The following MAST3 variants were observed in gnomAD, a reference collection of about 807,000 sequenced individuals.
MAST3 encodes the protein microtubule-associated serine/threonine-protein kinase 3.
Under a neutral mutation model 127.0 loss-of-function variants are expected in MAST3, and 43 were observed. That is an observed-to-expected ratio of 0.34 (90% CI 0.27 to 0.44). The LOEUF is 0.44. Among genes scored for constraint, MAST3 ranks in the 20% least tolerant of loss-of-function variants. MAST3 has a pLI of 1.00. For synonymous variants in MAST3, 785 were observed against 809.2 expected, an observed-to-expected ratio of 0.97 and a Z score of 0.51; for missense variants, 1,390 against 1,919.1, an observed-to-expected ratio of 0.72 and a Z score of 5.15.
chr19:18,128,985 C>A, intron 13 of MAST3, 34 bp downstream of exon 13: 1 of 1,580,248 alleles, frequency 6.3e-7, no homozygotes, highest in Non-Finnish European at 8.7e-7. Flanking sequence ...ACCCATTTCA[C>A]AGATGCCTGA....
chr19:18,109,966 C>G (rs906821578), intron 2 of MAST3: 2 of 985,226 alleles, frequency 2.0e-6, no homozygotes. Context: ...GCGCGGACCG[C>G]GGAGCCAGTG....
intron 1 of MAST3, among the ~76,000 whole-genome samples, chr19:18,099,529 T>G (rs2037373134): frequency 6.6e-6 from 1 of 152,100 alleles, no homozygotes; most frequent in African/African-American, 2.4e-5. Context: ...TTCCTGATGG[T>G]AAGTTCTATG....
intron 11 of MAST3, among the ~76,000 whole-genome samples, chr19:18,127,672 A>G (rs1437781287): frequency 6.6e-6 from 1 of 152,098 alleles, no homozygotes; most frequent in Non-Finnish European, 1.5e-5. Flanking sequence ...CGACAGAGTG[A>G]GACTGCGTCT....
At chr19:18,121,625 C>A in intron 3 of MAST3, 60 bp from the exon 4 acceptor site, 3 of 1,392,598 alleles carry the variant, frequency 2.2e-6, no homozygotes, top group South Asian at 1.2e-5. Context: ...TTAGGCTGGG[C>A]AGGTGGCTTA....
rs2043464470 is a variant in MAST3 at position 18,150,597 on chromosome 19, A to T, written c.*871A>T. The T allele has an allele frequency of 6.6e-6, 1 of 152,252 alleles. No homozygotes were observed. Among genetic ancestry groups the T allele is most frequent in the Non-Finnish European group, 1.5e-5 (1 of 68,056 alleles). The allele number at this position is 152,252 out of a possible 1,614,324, so 9.4% of individuals were successfully genotyped here. A position where few individuals can be genotyped will look rare whatever the true frequency, so the allele number is the denominator to read the frequency against. ...TGTCCGTAAACAATTCCTCTCACCCACAAAACAATGTAATCCCAGCGATGG... is the reference window on the plus strand; with the variant it reads ...TGTCCGTAAACAATTCCTCTCACCCTCAAAACAATGTAATCCCAGCGATGG... On this transcript the variant is annotated 3_prime_UTR_variant, in exon 28 of 28. Coordinates refer to ENST00000687212, the MANE Select transcript of MAST3 (RefSeq NM_001393504.1).
rs1047180129 is a variant in MAST3 at position 18,141,879 on chromosome 19, C to T, written c.2206-3C>T. ...CTTACCATTCTTTTGTCTTGCCTCC[C>T]AGGTCTACAGCAGCTCTGAGTTCCT... On this transcript the variant is annotated splice_polypyrimidine_tract_variant and splice_region_variant and intron_variant, in intron 20 of 27. Coordinates refer to ENST00000687212, the MANE Select transcript of MAST3 (RefSeq NM_001393504.1). 11 of 1,429,168 alleles carry T rather than the reference C, an allele frequency of 7.7e-6. No individual in the cohort carries two copies. Among genetic ancestry groups the T allele is most frequent in the Non-Finnish European group, 1.0e-5 (11 of 1,077,200 alleles). 88.5% of individuals were successfully genotyped at this position (1,429,168 alleles called of 1,614,324 possible). A position where few individuals can be genotyped will look rare whatever the true frequency, so the allele number is the denominator to read the frequency against.
chr19:18,102,249 C>A (rs1167433198), intron 1 of MAST3, among the ~76,000 whole-genome samples: 1 of 151,080 alleles, frequency 6.6e-6, no homozygotes, highest in Non-Finnish European at 1.5e-5. Flanking sequence ...GGCACGATCT[C>A]GGCTCACCGC....
chr19:18,130,726 C>T, intron 14 of MAST3, 24 bp downstream of exon 14: 1 of 1,605,524 alleles, frequency 6.2e-7, no homozygotes, highest in African/African-American at 1.3e-5. Flanking sequence ...GGCTTGCATG[C>T]CTCCAGCGAT....
rs1421385180 is a variant in MAST3, at chr19:18,150,751, G to A, written c.*1025G>A. 1 of 152,374 alleles carries A rather than the reference G, an allele frequency of 6.6e-6. No individual in the cohort carries two copies. Among genetic ancestry groups the A allele is most frequent in the Non-Finnish European group, 1.5e-5 (1 of 68,164 alleles). 9.4% of individuals were successfully genotyped at this position (152,374 alleles called of 1,614,324 possible). A position where few individuals can be genotyped will look rare whatever the true frequency, so the allele number is the denominator to read the frequency against. Reference sequence around the variant, plus strand: ...GAAGGGATATGGGAGCTGGAGCTTTGATGGATGAATAGGTGTTCACCGGAT... The same window carrying A: ...GAAGGGATATGGGAGCTGGAGCTTTAATGGATGAATAGGTGTTCACCGGAT... On this transcript the variant is annotated 3_prime_UTR_variant, in exon 28 of 28. Coordinates refer to ENST00000687212, the MANE Select transcript of MAST3 (RefSeq NM_001393504.1).
intron 5 of MAST3, among the ~76,000 whole-genome samples, chr19:18,122,392 G>A (rs1246464568): frequency 1.3e-5 from 2 of 152,030 alleles, no homozygotes; most frequent in African/African-American, 4.8e-5. Context: ...TCCGTTTGGT[G>A]GGGGGTGGTC....
At chr19:18,129,093 T>C in intron 13 of MAST3, 142 bp downstream of exon 13, 1 of 715,660 alleles carries the variant, frequency 1.4e-6, no homozygotes, top group African/African-American at 1.8e-5. Flanking sequence ...ACCTGAGGAC[T>C]GGAGGGGGAA....
chr19:18,135,071 C>A, intron 17 of MAST3, 89 bp downstream of exon 17: 1 of 1,460,758 alleles, frequency 6.8e-7, no homozygotes, highest in Non-Finnish European at 9.3e-7. Context: ...GGGAGAGAAG[C>A]AGGAAGAGGG....
chr19:18,143,060 C>A (rs2042673031), intron 21 of MAST3, among the ~76,000 whole-genome samples: 1 of 149,878 alleles, frequency 6.7e-6, no homozygotes, highest in Non-Finnish European at 1.5e-5. Context: ...TACAGTGAGC[C>A]AAGATCGTGC....
chr19:18,118,364 C>T (rs1476793288), intron 3 of MAST3: 2 of 617,602 alleles, frequency 3.2e-6, no homozygotes, highest in African/African-American at 4.0e-5. Flanking sequence ...CTGTCTGTGG[C>T]AGCAGTGGGA....
Position 18,151,192 on chromosome 19 carries a change from A to T in MAST3, c.*1466A>T, listed in dbSNP as rs2043498571. On this transcript the variant is annotated 3_prime_UTR_variant, in exon 28 of 28. Coordinates refer to ENST00000687212, the MANE Select transcript of MAST3 (RefSeq NM_001393504.1). ...AAATGGCTTTCCCACTCTGTGCCTC[A>T]GTTTCCTTGTGTTTACAAGACTAAT... is the stretch of plus-strand genomic sequence containing the variant. 6.6e-6 allele frequency: 1 copy of T among 152,170 alleles called. No homozygotes were observed. Among genetic ancestry groups the T allele is most frequent in the African/African-American group, 2.4e-5 (1 of 41,424 alleles). 9.4% of individuals were successfully genotyped at this position (152,170 alleles called of 1,614,324 possible).
At chr19:18,099,795 G>A (rs1247271147) in intron 1 of MAST3, among the ~76,000 whole-genome samples, 2 of 152,224 alleles carry the variant, frequency 1.3e-5, no homozygotes, top group Non-Finnish European at 2.9e-5. Flanking sequence ...TTTATATGGG[G>A]AAACAAGAAC....
intron 11 of MAST3, among the ~76,000 whole-genome samples, chr19:18,126,769 T>C (rs1226083809): frequency 6.6e-6 from 1 of 151,878 alleles, no homozygotes; most frequent in African/African-American, 2.4e-5. Context: ...ACCCCATCTC[T>C]ACAAAAAGTA....
chr19:18,124,931 A>ACCCC (rs111723470), intron 11 of MAST3, among the ~76,000 whole-genome samples, 157 bp downstream of exon 11: 437 of 135,632 alleles, frequency 3.2e-3, no homozygotes, highest in Middle Eastern at 7.8e-3. Flanking sequence ...CATGGTGGAA[A>ACCCC]CCCCCCCCCT....
At chr19:18,133,906 G>T (rs1336705012) in intron 15 of MAST3, among the ~76,000 whole-genome samples, 1 of 152,176 alleles carries the variant, frequency 6.6e-6, no homozygotes, top group South Asian at 2.1e-4. Context: ...CTGCTGTTTA[G>T]GTTTTCCTAT....
Sources: allele counts gnomAD v4.1 joint callset (sites outside exome capture counted in the v4.1 genomes callset), GRCh38; gene constraint gnomAD v4.1.1; transcripts MANE v1.5; gene names NCBI Gene and HGNC (gene_info 2026-07-23, HGNC 2026-07-21).